Variants in UBE2H observed in about 807,000 individuals in gnomAD.
The protein encoded by UBE2H is ubiquitin-conjugating enzyme E2 H.
In UBE2H, 3 loss-of-function variants were observed where a neutral mutation model predicts 29.0. That is an observed-to-expected ratio of 0.10 (90% CI 0.05 to 0.27). The LOEUF (loss-of-function observed/expected upper bound fraction) is 0.27. UBE2H is among the 10% of genes least tolerant of loss of function. The probability of loss-of-function intolerance (pLI) is 1.00; values close to 1 mark genes in which losing one functional copy is unlikely to be tolerated. For missense variants in UBE2H, 68 were observed against 228.2 expected, an observed-to-expected ratio of 0.30 and a Z score of 4.52; for synonymous variants, 69 against 82.9, an observed-to-expected ratio of 0.83 and a Z score of 0.91.
chr7:129,887,269 T>G (rs1806382963), intron 1 of UBE2H, among the ~76,000 whole-genome samples: 1 of 148,032 alleles, frequency 6.8e-6, no homozygotes. Context: ...CCACCCAGGC[T>G]GGAGTGCAGT....
intron 6 of UBE2H, among the ~76,000 whole-genome samples, chr7:129,835,298 C>A (rs1805301787): frequency 1.3e-5 from 2 of 152,308 alleles, no homozygotes; most frequent in South Asian, 4.1e-4. Flanking sequence ...AGCAACACAG[C>A]AGGCTCAGCT....
intron 5 of UBE2H, among the ~76,000 whole-genome samples, chr7:129,854,060 G>GGTTTTTTTTTTTTTTTTTTTT (rs1554430936): frequency 7.0e-5 from 7 of 100,282 alleles, no homozygotes; most frequent in Non-Finnish European, 1.2e-4. Flanking sequence ...TTTAGTGTTA[G>GGTTTTTTTTTTTTTTTTTTTT]TTTTTTTTTT....
At chr7:129,837,943 G>A (rs930450949) in intron 6 of UBE2H, among the ~76,000 whole-genome samples, 2 of 152,124 alleles carry the variant, frequency 1.3e-5, no homozygotes, top group African/African-American at 2.4e-5. Flanking sequence ...ACTGAAACAG[G>A]GCTACTGCTA....
At chr7:129,890,552 G>A (rs1368237235) in intron 1 of UBE2H, among the ~76,000 whole-genome samples, 1 of 151,828 alleles carries the variant, frequency 6.6e-6, no homozygotes, top group African/African-American at 2.4e-5. Context: ...GCTAATTTTT[G>A]TATTTTTAGA....
At chr7:129,937,023 A>G (rs1807544861) in intron 1 of UBE2H, among the ~76,000 whole-genome samples, 1 of 151,494 alleles carries the variant, frequency 6.6e-6, no homozygotes, top group Admixed American at 6.6e-5. Context: ...AAACACACAG[A>G]CTTGAAAACA....
At chr7:129,863,808 G>GTTTTTTTTTTTCTGGTTT (rs1554432032) in intron 3 of UBE2H, among the ~76,000 whole-genome samples, 1 of 136,042 alleles carries the variant, frequency 7.4e-6, no homozygotes, top group Non-Finnish European at 1.6e-5. Context: ...AATACTAGGT[G>GTTTTTTTTTTTCTGGTTT]TTTTTTTTTT....
chr7:129,855,633 TAG>T (rs923624324), intron 5 of UBE2H, among the ~76,000 whole-genome samples: 3 of 151,842 alleles, frequency 2.0e-5, no homozygotes, highest in Non-Finnish European at 2.9e-5. Flanking sequence ...TGCGTGTGTA[TAG>T]AGAGAGAGAG....
chr7:129,902,333 T>C (rs1806733055), intron 1 of UBE2H, among the ~76,000 whole-genome samples: 1 of 152,106 alleles, frequency 6.6e-6, no homozygotes. Context: ...ACCCCGTCTC[T>C]ACTAAAAATA....
chr7:129,843,550 G>A (rs531103380), intron 5 of UBE2H, among the ~76,000 whole-genome samples: 12 of 152,114 alleles, frequency 7.9e-5, no homozygotes, highest in Admixed American at 4.6e-4. Context: ...CAAATTTCAC[G>A]AAGGCACAAG....
At chr7:129,836,550 G>C (rs1408574149) in intron 6 of UBE2H, among the ~76,000 whole-genome samples, 1 of 152,194 alleles carries the variant, frequency 6.6e-6, no homozygotes, top group African/African-American at 2.4e-5. Context: ...TTGTTTTGTT[G>C]AAAGTAAGTG....
chr7:129,949,521 G>A (rs1807831852), intron 1 of UBE2H, among the ~76,000 whole-genome samples: 1 of 152,158 alleles, frequency 6.6e-6, no homozygotes, highest in Admixed American at 6.5e-5. Context: ...AGGATCAGAA[G>A]AGAAACAATG....
At chr7:129,888,938 T>A (rs1201162884) in intron 1 of UBE2H, among the ~76,000 whole-genome samples, 1 of 152,138 alleles carries the variant, frequency 6.6e-6, no homozygotes, top group African/African-American at 2.4e-5. Flanking sequence ...ATAGGGATGG[T>A]CTGCTATGGA....
intron 3 of UBE2H, among the ~76,000 whole-genome samples, chr7:129,864,556 C>CTTTTTTTTTTTT (rs367930226): frequency 7.6e-6 from 1 of 130,976 alleles, no homozygotes. Context: ...TCTTTTCTTT[C>CTTTTTTTTTTTT]TTTTTTTTTT....
intron 4 of UBE2H, among the ~76,000 whole-genome samples, chr7:129,858,011 A>T (rs1805736661): frequency 6.6e-6 from 1 of 152,246 alleles, no homozygotes; most frequent in Admixed American, 6.5e-5. Flanking sequence ...TTTATAAAAG[A>T]TAAAGGCAGG....
rs565107319 is a variant in UBE2H at position 129,928,522 on chromosome 7, G to C, written c.53+23981C>G. 9.2e-5 allele frequency among the ~76,000 whole-genome samples: 14 copies of C among 152,340 alleles called. No homozygotes were observed. In the South Asian group the frequency reaches 1.4e-3, roughly 16 times the overall value. ...GAAGCCTGAGGCAGAAGAATTGCTT[G>C]AACTCGGGAGGTGGAGGTTGCAGTG... On this transcript the variant is annotated intron_variant, in intron 1 of 6. Coordinates refer to ENST00000355621, the MANE Select transcript of UBE2H (RefSeq NM_003344.4).
At chr7:129,839,647 C>T (rs1422632861) in intron 5 of UBE2H, 1 of 296,590 alleles carries the variant, frequency 3.4e-6, no homozygotes, top group Admixed American at 5.5e-5. Context: ...CAAAACCCCC[C>T]ACTCTGAAAG....
At chr7:129,950,839 A>G (rs1358346535) in intron 1 of UBE2H, among the ~76,000 whole-genome samples, 1 of 152,218 alleles carries the variant, frequency 6.6e-6, no homozygotes, top group African/African-American at 2.4e-5. Context: ...AAAAGCCAAC[A>G]TTACTGGTAT....
chr7:129,834,834 T>C lies in UBE2H; in HGVS notation c.*103A>G, dbSNP rs1397182726. On this transcript the variant is annotated 3_prime_UTR_variant, in exon 7 of 7. Coordinates refer to ENST00000355621, the MANE Select transcript of UBE2H (RefSeq NM_003344.4). ...TCAATGCTATTATTCATAAAAACCT[T>C]GTTTAGTAATAAAAAAAATTGCTTT... 23 of 1,385,994 alleles carry C rather than the reference T, an allele frequency of 1.7e-5. No homozygotes were observed. In the East Asian group the frequency reaches 5.7e-4, roughly 34 times the overall value. 85.9% of individuals were successfully genotyped at this position (1,385,994 alleles called of 1,614,324 possible). A position where few individuals can be genotyped will look rare whatever the true frequency, so the allele number is the denominator to read the frequency against.
intron 1 of UBE2H, among the ~76,000 whole-genome samples, chr7:129,925,173 C>A (rs1474730496): frequency 6.6e-6 from 1 of 151,914 alleles, no homozygotes; most frequent in Non-Finnish European, 1.5e-5. Flanking sequence ...GATGGAGAAA[C>A]CCCGTCTCTA....
Sources: allele counts gnomAD v4.1 joint callset (sites outside exome capture counted in the v4.1 genomes callset), GRCh38; gene constraint gnomAD v4.1.1; transcripts MANE v1.5; gene names NCBI Gene and HGNC (gene_info 2026-07-23, HGNC 2026-07-21).